The following ARHGAP10 variants were observed in gnomAD, a reference collection of about 807,000 sequenced individuals.
The protein encoded by ARHGAP10 is Rho GTPase activating protein 10, also known as rho GTPase-activating protein 10.
ARHGAP10 carries 87 observed loss-of-function variants against 108.6 expected under a neutral mutation model. The ratio of observed to expected loss-of-function variants is 0.80; its 90% CI spans 0.67 to 0.96. ARHGAP10 has a LOEUF of 0.96. ARHGAP10 is among the 40% of genes least tolerant of loss of function. The probability of loss-of-function intolerance (pLI) is 0.00; values close to 1 mark genes in which losing one functional copy is unlikely to be tolerated. For missense variants in ARHGAP10, 939 were observed against 954.5 expected (o/e 0.98, Z 0.21); for synonymous variants, 347 against 341.1 (o/e 1.02, Z -0.19).
intron 1 of ARHGAP10, among the ~76,000 whole-genome samples, chr4:147,786,378 G>C (rs940858135): frequency 6.6e-6 from 1 of 152,216 alleles, no homozygotes; most frequent in African/African-American, 2.4e-5. Flanking sequence ...AGACTGGGAA[G>C]TCTAGGAGCC....
chr4:147,963,466 G>A (rs1214877485), intron 16 of ARHGAP10, among the ~76,000 whole-genome samples: 8 of 152,106 alleles, frequency 5.3e-5, no homozygotes, highest in African/African-American at 7.2e-5. Flanking sequence ...CTTCTTTGAC[G>A]CCTGTGAAAA....
At chr4:148,034,384 C>T (rs1728281492) in intron 19 of ARHGAP10, among the ~76,000 whole-genome samples, 2 of 152,156 alleles carry the variant, frequency 1.3e-5, no homozygotes, top group Non-Finnish European at 2.9e-5. Context: ...ATGGCGCGAT[C>T]TTGGCTCACT....
chr4:148,002,341 C>T (rs557189631), intron 18 of ARHGAP10, among the ~76,000 whole-genome samples: 3 of 152,246 alleles, frequency 2.0e-5, no homozygotes, highest in Admixed American at 1.3e-4. Flanking sequence ...ATTTTTGCAT[C>T]AATGTTCATC....
At chr4:147,793,221 T>C (rs1229570754) in intron 1 of ARHGAP10, among the ~76,000 whole-genome samples, 1 of 151,898 alleles carries the variant, frequency 6.6e-6, no homozygotes, top group African/African-American at 2.4e-5. Context: ...TATATATGTA[T>C]ATATGTGTGT....
At chr4:147,981,265 T>C (rs930304205) in intron 18 of ARHGAP10, among the ~76,000 whole-genome samples, 14 of 152,206 alleles carry the variant, frequency 9.2e-5, no homozygotes, top group African/African-American at 3.4e-4. Context: ...TGTCTACTTT[T>C]GTTTGTTTCA....
chr4:147,873,275 G>T (rs1463218951), intron 7 of ARHGAP10, among the ~76,000 whole-genome samples: 1 of 152,180 alleles, frequency 6.6e-6, no homozygotes, highest in Non-Finnish European at 1.5e-5. Context: ...ACAGAAGCCA[G>T]TTCGAAGGGA....
intron 20 of ARHGAP10, among the ~76,000 whole-genome samples, chr4:148,056,086 C>G (rs1251366179): frequency 1.3e-5 from 2 of 152,218 alleles, no homozygotes; most frequent in Admixed American, 1.3e-4. Flanking sequence ...TTTTCACTGA[C>G]AGTGATAGCA....
At chr4:147,997,189 G>C (rs1740509518) in intron 18 of ARHGAP10, among the ~76,000 whole-genome samples, 1 of 152,198 alleles carries the variant, frequency 6.6e-6, no homozygotes, top group African/African-American at 2.4e-5. Context: ...TAAAATATTT[G>C]TGTAATTGAA....
intron 18 of ARHGAP10, among the ~76,000 whole-genome samples, chr4:147,987,249 T>G (rs1740079376): frequency 6.6e-6 from 1 of 152,226 alleles, no homozygotes; most frequent in Admixed American, 6.5e-5. Flanking sequence ...AAGTATACAT[T>G]AATACATATA....
intron 10 of ARHGAP10, among the ~76,000 whole-genome samples, chr4:147,885,896 C>G (rs1205741480): frequency 6.6e-6 from 1 of 152,138 alleles, no homozygotes; most frequent in African/African-American, 2.4e-5. Flanking sequence ...GTTTAGCTCC[C>G]TAATCCTAAA....
intron 1 of ARHGAP10, among the ~76,000 whole-genome samples, chr4:147,808,580 G>A (rs529918442): frequency 1.3e-5 from 2 of 152,180 alleles, no homozygotes; most frequent in South Asian, 4.2e-4. Context: ...AAGAGTGGGA[G>A]CAGAGTAATG....
intron 15 of ARHGAP10, 59 bp downstream of exon 15, chr4:147,946,763 C>A: frequency 7.6e-7 from 1 of 1,316,976 alleles, no homozygotes; most frequent in South Asian, 1.6e-5. Context: ...TAACATAAAA[C>A]AGATGCCAAT....
rs536222650 is a variant in ARHGAP10 at position 147,807,440 on chromosome 4, AT to A, written c.155-15277del. On this transcript the variant is annotated intron_variant, in intron 1 of 22. Coordinates refer to ENST00000336498, the MANE Select transcript of ARHGAP10 (RefSeq NM_024605.4). ...ACAGAAGAACTTATATTCCAGAATT[AT>A]TTTTTTTTTAAATGTAGGAAAATTA... Among the ~76,000 whole-genome samples, 1,346 of 150,186 alleles carry A rather than the reference AT, an allele frequency of 9.0e-3. 19 individuals are homozygous for A. Among genetic ancestry groups the A allele is most frequent in the African/African-American group, 0.03 (1,222 of 41,104 alleles).
At chr4:147,786,604 T>G (rs761935581) in intron 1 of ARHGAP10, among the ~76,000 whole-genome samples, 3 of 152,204 alleles carry the variant, frequency 2.0e-5, no homozygotes, top group Non-Finnish European at 4.4e-5. Context: ...TTTTAATGTT[T>G]CAAAGGATAA....
chr4:147,892,468 A>G (rs951891625), intron 10 of ARHGAP10, among the ~76,000 whole-genome samples: 1 of 152,218 alleles, frequency 6.6e-6, no homozygotes, highest in Non-Finnish European at 1.5e-5. Flanking sequence ...ACAGCAATAA[A>G]CTAGAAATTA....
At chr4:147,899,376 G>C (rs1292195325) in intron 10 of ARHGAP10, among the ~76,000 whole-genome samples, 1 of 151,970 alleles carries the variant, frequency 6.6e-6, no homozygotes, top group East Asian at 1.9e-4. Context: ...TTTGTCTTCT[G>C]TCCAGGGAGT....
chr4:148,062,316 C>T (rs915572170), intron 20 of ARHGAP10, among the ~76,000 whole-genome samples: 5 of 152,250 alleles, frequency 3.3e-5, no homozygotes, highest in Admixed American at 6.5e-5. Flanking sequence ...GGAAACTGCT[C>T]GTGGAAACTG....
At chr4:148,023,612 G>A (rs2149664037) in intron 19 of ARHGAP10, among the ~76,000 whole-genome samples, 199 bp downstream of exon 19, 1 of 152,294 alleles carries the variant, frequency 6.6e-6, no homozygotes, top group African/African-American at 2.4e-5. Context: ...GTTTGTCTTT[G>A]TTATGCATGG....
At chr4:147,885,031 G>A (rs1735487281) in intron 10 of ARHGAP10, among the ~76,000 whole-genome samples, 1 of 152,100 alleles carries the variant, frequency 6.6e-6, no homozygotes, top group South Asian at 2.1e-4. Context: ...GTGGAGCCAA[G>A]TGGGGTAGAT....
Sources: gnomAD v4.1 joint callset for allele counts (sites outside exome capture counted in the v4.1 genomes callset) on GRCh38, gnomAD v4.1.1 for gene constraint, MANE v1.5 for transcripts, NCBI Gene and HGNC (gene_info 2026-07-23, HGNC 2026-07-21) for gene names.